KRT73: variants seen among roughly 807,000 people sequenced by gnomAD.
KRT73 encodes the protein keratin, type II cytoskeletal 73.
In KRT73, 44 loss-of-function variants were observed where a neutral mutation model predicts 47.2. That is an observed-to-expected ratio of 0.93 (90% confidence interval 0.73 to 1.20). The LOEUF (loss-of-function observed/expected upper bound fraction) is 1.20, where lower values mean the gene tolerates loss of function less well. Ranked by LOEUF, KRT73 falls within the 50% of genes most tolerant of loss-of-function variation. The pLI is 0.00. For missense variants in KRT73, 713 were observed against 704.5 expected (o/e 1.01, Z -0.14); for synonymous variants, 285 against 291.3 (o/e 0.98, Z 0.22).
chr12:52,630,395 C>A, the KRT73 span, among the ~76,000 whole-genome samples: 5 of 152,168 alleles, frequency 3.3e-5, no homozygotes, highest in Admixed American at 2.6e-4. Context: ...GCTGGTCCAG[C>A]CTCCACCTCA....
chr12:52,619,047 A>G (rs1940865073), upstream of KRT73, among the ~76,000 whole-genome samples: 1 of 152,202 alleles, frequency 6.6e-6, no homozygotes, highest in South Asian at 2.1e-4. Flanking sequence ...GACAGGTTTG[A>G]TGGCTGGCCA....
chr12:52,610,074 T>G (rs1056615969), intron 7 of KRT73: 1 of 167,106 alleles, frequency 6.0e-6, no homozygotes, highest in Non-Finnish European at 1.3e-5. Flanking sequence ...GTTTGTTTGT[T>G]TGTTTGTTTG....
chr12:52,618,021 T>C, intron 1 of KRT73, 57 bp downstream of exon 1: 5 of 1,542,698 alleles, frequency 3.2e-6, no homozygotes, highest in Non-Finnish European at 4.4e-6. Flanking sequence ...GGGCAGTGGC[T>C]CCCTCCTGAG....
the KRT73 span, among the ~76,000 whole-genome samples, chr12:52,624,841 G>A: frequency 6.6e-6 from 1 of 151,476 alleles, no homozygotes; most frequent in Non-Finnish European, 1.5e-5. Flanking sequence ...TAGATAAATT[G>A]GACCTCAACT....
Position 52,613,691 on chromosome 12 carries a change from G to A in KRT73, c.981C>T (p.Thr327=). 1 of 1,614,102 alleles carries A rather than the reference G, an allele frequency of 6.2e-7. No individual in the cohort carries two copies. Residue 327 remains threonine, a synonymous_variant, in exon 5 of 9, where the codon ACC becomes ACT. Transcript: ENST00000305748. ...ATGGGGAGTTTTGCGGCCTCACCTT[G>A]GTCTGGTACAGGGCCTCGGCCTCGG... ...SKAEAEALYQ[T]KFQELQLAAG...
chr12:52,616,551 AT>A (rs1421277712), intron 1 of KRT73, among the ~76,000 whole-genome samples, 171 bp from the exon 2 acceptor site: 1 of 152,180 alleles, frequency 6.6e-6, no homozygotes, highest in African/African-American at 2.4e-5. Flanking sequence ...AGGGTCCTTT[AT>A]CTGACTGAAG....
In KRT73 at chr12:52,618,193, T is replaced by C. The variant is rs1378591303; in HGVS notation, c.332A>G (p.Lys111Arg). ...CACGTTCAGGGGTGCCAGGAGGCTC[T>C]TGTTGATGGTGACCTGATGGATACC... ...PGGIHQVTIN[K>R]SLLAPLNVEL... The change falls in exon 1 of 9, where the codon AAG becomes AGG. Residue 111 changes from lysine to arginine, a missense_variant. Coordinates refer to ENST00000305748, the MANE Select transcript of KRT73 (RefSeq NM_175068.3). 1 of 1,614,108 alleles carries C rather than the reference T, an allele frequency of 6.2e-7. No homozygotes were observed. The highest frequency in any genetic ancestry group is 8.5e-7 in the Non-Finnish European group (1 of 1,180,000).
At chr12:52,610,550 A>ACCCCCCCCCCC in intron 7 of KRT73, 65 bp downstream of exon 7, 2 of 184,824 alleles carry the variant, frequency 1.1e-5, no homozygotes, top group Non-Finnish European at 1.1e-5. Context: ...CCCGCCCCCA[A>ACCCCCCCCCCC]CCACACTCTG....
the KRT73 span, among the ~76,000 whole-genome samples, chr12:52,627,932 CAT>C: frequency 2.6e-5 from 4 of 152,096 alleles, no homozygotes; most frequent in Admixed American, 6.5e-5. Context: ...CACATGTGCA[CAT>C]GTGTGCCTTG....
In KRT73 at chr12:52,610,794, C is replaced by T; in HGVS notation, c.1152G>A (p.Arg384=). ...TGGCATCCTTGAGGGCACAGTCCCC[C>T]CGCTGCTCGGCGTCAGCGATGGCCG... ...LETAIADAEQ[R]GDCALKDARA... Residue 384 remains arginine, a synonymous_variant, in exon 7 of 9, where the codon CGG becomes CGA. Transcript: ENST00000305748. 6.2e-7 allele frequency: 1 copy of T among 1,613,438 alleles called. No individual in the cohort carries two copies. The highest frequency in any genetic ancestry group is 1.3e-5 in the African/African-American group (1 of 75,020).
At chr12:52,612,176 C>T (rs184310269) in intron 5 of KRT73, among the ~76,000 whole-genome samples, 6 of 152,354 alleles carry the variant, frequency 3.9e-5, no homozygotes, top group East Asian at 1.9e-4. Flanking sequence ...CCCCAGCCCA[C>T]AGGCAGCTTT....
chr12:52,617,992 C>G, intron 1 of KRT73, 86 bp downstream of exon 1: 2 of 1,418,592 alleles, frequency 1.4e-6, no homozygotes, highest in Non-Finnish European at 1.9e-6. Flanking sequence ...TGCTCTCAGG[C>G]AAATTGAACC....
upstream of KRT73, among the ~76,000 whole-genome samples, chr12:52,621,486 C>T (rs1220659928): frequency 6.6e-6 from 1 of 152,176 alleles, no homozygotes; most frequent in Non-Finnish European, 1.5e-5. Flanking sequence ...GAAGAAGGCA[C>T]ACCAACAGGG....
the KRT73 span, among the ~76,000 whole-genome samples, chr12:52,626,803 CCATAGGATGACCAACATTTT>C: frequency 1.3e-5 from 2 of 152,180 alleles, no homozygotes; most frequent in Non-Finnish European, 2.9e-5. Context: ...GGCAACGCAG[CCATAGGATGACCAACATTTT>C]CCATTTGCCT....
intron 6 of KRT73, 43 bp downstream of exon 6, chr12:52,611,161 C>T (rs1329935653): frequency 1.2e-6 from 2 of 1,608,294 alleles, no homozygotes; most frequent in African/African-American, 2.7e-5. Context: ...AGCAGTTCAC[C>T]CCTCCCTTAG....
At position 52,610,699 on chromosome 12, in the gene KRT73, T is replaced by G. The variant is rs1261258655; in HGVS notation, c.1247A>C (p.Glu416Ala). ...CTTCACGCTCAAAAGCTCTTGGTAC[T>G]CGCGCAGCATCCGTGCCAGCTCCTC... is the stretch of plus-strand genomic sequence containing the variant. ...AKEELARMLR[E>A]YQELLSVKLS... The change falls in exon 7 of 9, where the codon GAG becomes GCG. Residue 416 changes from glutamate to alanine, a missense_variant. Transcript: ENST00000305748. 6.2e-7 allele frequency: 1 copy of G among 1,613,906 alleles called. No homozygotes were observed.
the KRT73 span, among the ~76,000 whole-genome samples, chr12:52,628,585 T>A: frequency 3.9e-5 from 6 of 152,242 alleles, no homozygotes; most frequent in South Asian, 1.2e-3. Context: ...TTGATAGTAA[T>A]CATGTTTCAA....
chr12:52,613,975 A>G, intron 4 of KRT73, 123 bp from the exon 5 acceptor site: 1 of 1,425,874 alleles, frequency 7.0e-7, no homozygotes, highest in South Asian at 1.4e-5. Flanking sequence ...GCACTTCCCA[A>G]AGCTTGTAAG....
the KRT73 span, among the ~76,000 whole-genome samples, chr12:52,629,156 T>C: frequency 2.0e-5 from 3 of 152,226 alleles, no homozygotes; most frequent in South Asian, 6.2e-4. Flanking sequence ...AAGTCTCTGT[T>C]CCCTGAGCAA....
Sources: allele counts gnomAD v4.1 joint callset (sites outside exome capture counted in the v4.1 genomes callset), GRCh38; gene constraint gnomAD v4.1.1; transcripts MANE v1.5; gene names NCBI Gene and HGNC (gene_info 2026-07-23, HGNC 2026-07-21).